Variants in DPP6 observed in about 807,000 individuals in gnomAD.
DPP6 encodes the protein A-type potassium channel modulatory protein DPP6.
In DPP6, 69 loss-of-function variants were observed where a neutral mutation model predicts 122.6. That is an observed-to-expected ratio of 0.56 (90% CI 0.46 to 0.69). The LOEUF (loss-of-function observed/expected upper bound fraction) is 0.69. Among genes scored for constraint, DPP6 ranks in the 30% least tolerant of loss-of-function variants. DPP6 has a pLI of 0.00. For synonymous variants in DPP6, 418 were observed against 433.1 expected (o/e 0.97, Z 0.43); for missense variants, 928 against 1,116.9 (o/e 0.83, Z 2.41).
chr7:154,435,963 C>T (rs1023689243), intron 1 of DPP6, among the ~76,000 whole-genome samples: 13 of 151,996 alleles, frequency 8.6e-5, no homozygotes, highest in South Asian at 4.2e-4. Context: ...TTACTTTTTA[C>T]GGTGCTCAAT....
chr7:153,888,660 A>G (rs1028931552), intron 1 of DPP6, among the ~76,000 whole-genome samples: 3 of 147,520 alleles, frequency 2.0e-5, no homozygotes, highest in Admixed American at 6.7e-5. Flanking sequence ...TCATGGTCTG[A>G]GAAGAATCCT....
chr7:154,498,000 G>A (rs955206591), intron 3 of DPP6, among the ~76,000 whole-genome samples: 3 of 152,142 alleles, frequency 2.0e-5, no homozygotes, highest in African/African-American at 7.2e-5. Flanking sequence ...ATGGCAATCA[G>A]AAGAAGGAGA....
chr7:154,754,247 TA>T (rs1280264740), intron 8 of DPP6, among the ~76,000 whole-genome samples: 1 of 152,250 alleles, frequency 6.6e-6, no homozygotes, highest in Non-Finnish European at 1.5e-5. Flanking sequence ...TTCCATCATT[TA>T]ATTTAAAACT....
chr7:154,171,977 T>A (rs1393440187), intron 1 of DPP6, among the ~76,000 whole-genome samples: 3 of 152,212 alleles, frequency 2.0e-5, no homozygotes, highest in Non-Finnish European at 4.4e-5. Context: ...ATTACTCTCC[T>A]GTTACAGATG....
intron 9 of DPP6, among the ~76,000 whole-genome samples, chr7:154,771,929 C>G (rs889150303): frequency 6.6e-6 from 1 of 152,194 alleles, no homozygotes; most frequent in Non-Finnish European, 1.5e-5. Context: ...TTCACAGCCA[C>G]CCCACCCGCC....
intron 3 of DPP6, among the ~76,000 whole-genome samples, chr7:154,524,490 A>T (rs1586538441): frequency 6.6e-6 from 1 of 152,154 alleles, no homozygotes; most frequent in South Asian, 2.1e-4. Context: ...CTCATGGCTG[A>T]TGTGCTCACA....
intron 10 of DPP6, among the ~76,000 whole-genome samples, chr7:154,779,295 CT>C (rs1563201982): frequency 2.6e-3 from 228 of 88,594 alleles, no homozygotes; most frequent in African/African-American, 6.6e-3. Flanking sequence ...ACCCCCACTA[CT>C]ATCACCACCA....
chr7:154,499,823 C>A (rs1026606492), intron 3 of DPP6, among the ~76,000 whole-genome samples: 1 of 152,042 alleles, frequency 6.6e-6, no homozygotes, highest in Non-Finnish European at 1.5e-5. Flanking sequence ...GTCCTAAAGA[C>A]AACCAGGTTT....
chr7:154,567,164 A>T (rs529750156), intron 5 of DPP6, among the ~76,000 whole-genome samples: 1 of 152,206 alleles, frequency 6.6e-6, no homozygotes, highest in African/African-American at 2.4e-5. Context: ...GGAGGATGGT[A>T]AGAACTTGTC....
chr7:154,663,871 A>G (rs1298237034), intron 6 of DPP6, among the ~76,000 whole-genome samples: 1 of 106,944 alleles, frequency 9.4e-6, no homozygotes, highest in African/African-American at 2.7e-5. Flanking sequence ...ACCATGGCGT[A>G]TTGGCCGTAG....
intron 1 of DPP6, among the ~76,000 whole-genome samples, chr7:154,116,674 C>G (rs1254161713): frequency 6.6e-6 from 1 of 152,152 alleles, no homozygotes; most frequent in Non-Finnish European, 1.5e-5. Flanking sequence ...AGTTGTTTCT[C>G]CTTATGTCAT....
chr7:153,901,749 A>T (rs144619155), intron 1 of DPP6, among the ~76,000 whole-genome samples: 2 of 152,338 alleles, frequency 1.3e-5, no homozygotes, highest in Non-Finnish European at 2.9e-5. Context: ...ATGAAGAATG[A>T]AGATGCTGAC....
intron 1 of DPP6, chr7:154,059,566 A>G (rs1216732321): frequency 6.7e-6 from 1 of 149,938 alleles, no homozygotes; most frequent in Middle Eastern, 3.4e-3. Flanking sequence ...GGTTTTGTAG[A>G]CTGTGGATCC....
intron 5 of DPP6, among the ~76,000 whole-genome samples, chr7:154,620,008 C>T (rs575074102): frequency 2.0e-5 from 3 of 152,262 alleles, no homozygotes; most frequent in East Asian, 1.9e-4. Context: ...GATTCTGATG[C>T]AGGTAATCTG....
intron 1 of DPP6, among the ~76,000 whole-genome samples, chr7:154,287,421 A>G (rs1804928174): frequency 6.6e-6 from 1 of 152,224 alleles, no homozygotes; most frequent in South Asian, 2.1e-4. Context: ...AATCCTGCTC[A>G]GTGCAAAGCA....
rs570883255 is a variant in DPP6, at chr7:154,829,564, T to C, written c.1666+22452T>C. Among the ~76,000 whole-genome samples the C allele has an allele frequency of 4.6e-5, 7 of 151,750 alleles. No homozygotes were observed. In the East Asian group the frequency reaches 1.4e-3, roughly 30 times the overall value. On this transcript the variant is annotated intron_variant, in intron 16 of 25. Transcript: ENST00000377770. ...AAGAGAAGAAAAACAGACCAAGATA[T>C]TAGCAGGAAAGGGACTGAATTTCCA...
chr7:154,634,718 T>C (rs980778079), intron 5 of DPP6, among the ~76,000 whole-genome samples: 3 of 152,024 alleles, frequency 2.0e-5, no homozygotes, highest in African/African-American at 7.2e-5. Flanking sequence ...TTCTTCCTTC[T>C]TCTCTTTCTT....
chr7:154,158,372 GT>G (rs1473015707), intron 1 of DPP6, among the ~76,000 whole-genome samples: 1 of 150,988 alleles, frequency 6.6e-6, no homozygotes, highest in Non-Finnish European at 1.5e-5. Flanking sequence ...ATTCTGGGGG[GT>G]TTCCTAACCT....
At chr7:153,760,253 A>G in the DPP6 span, among the ~76,000 whole-genome samples, 1 of 152,052 alleles carries the variant, frequency 6.6e-6, no homozygotes. Context: ...TAGGATTTCA[A>G]TTTGGGTCTT....
Sources: allele counts gnomAD v4.1 joint callset (sites outside exome capture counted in the v4.1 genomes callset), GRCh38; gene constraint gnomAD v4.1.1; transcripts MANE v1.5; gene names NCBI Gene and HGNC (gene_info 2026-07-23, HGNC 2026-07-21).